Variants in YTHDF2 observed in about 807,000 individuals in gnomAD.
YTHDF2 encodes YTH domain-containing family protein 2.
In YTHDF2, 2 loss-of-function variants were observed where a neutral mutation model predicts 50.4. The observed-to-expected ratio is 0.04, with a 90% CI of 0.02 to 0.12. YTHDF2 has a LOEUF of 0.12. YTHDF2 is among the 10% of genes least tolerant of loss of function. The probability of loss-of-function intolerance (pLI) is 1.00; values close to 1 mark genes in which losing one functional copy is unlikely to be tolerated. For missense variants in YTHDF2, 483 were observed against 722.6 expected, an observed-to-expected ratio of 0.67 and a Z score of 3.80; for synonymous variants, 217 against 255.6, an observed-to-expected ratio of 0.85 and a Z score of 1.44.
chr1:28,764,787 A>G (rs1232296158), intron 4 of YTHDF2, among the ~76,000 whole-genome samples: 2 of 151,854 alleles, frequency 1.3e-5, no homozygotes, highest in East Asian at 3.9e-4. Flanking sequence ...AGGTGATCCC[A>G]CCTTCCTCGG....
At chr1:28,739,374 G>A (rs1039709709) in intron 3 of YTHDF2, among the ~76,000 whole-genome samples, 8 of 150,974 alleles carry the variant, frequency 5.3e-5, no homozygotes, top group Non-Finnish European at 1.0e-4. Flanking sequence ...GAGTGCAGTG[G>A]TGCAATCTCG....
Position 28,764,830 on chromosome 1 carries a change from C to T in YTHDF2, c.1717-4099C>T, listed in dbSNP as rs1181787729. On this transcript the variant is annotated intron_variant, in intron 4 of 4. Coordinates refer to ENST00000373812, the MANE Select transcript of YTHDF2 (RefSeq NM_016258.3). ...GAGTGCTAGGATTACTCGGGTGATC[C>T]ACCGTGCCAGGCCTTAATGTTTTTT... Among the ~76,000 whole-genome samples, 10 of 152,110 alleles carry T rather than the reference C, an allele frequency of 6.6e-5. 1 individual carries two copies. Among genetic ancestry groups the T allele is most frequent in the Admixed American group, 6.6e-4 (10 of 15,262 alleles).
intron 3 of YTHDF2, among the ~76,000 whole-genome samples, 188 bp downstream of exon 3, chr1:28,738,526 C>T (rs2087729727): frequency 6.6e-6 from 1 of 152,182 alleles, no homozygotes; most frequent in African/African-American, 2.4e-5. Flanking sequence ...CTCGCTCCAA[C>T]TTCCGCCTCT....
intron 3 of YTHDF2, among the ~76,000 whole-genome samples, chr1:28,741,868 TAAAC>T (rs1335725216): frequency 6.6e-6 from 1 of 152,208 alleles, no homozygotes; most frequent in Non-Finnish European, 1.5e-5. Flanking sequence ...ACTCAGGACT[TAAAC>T]AGTTTGTGAA....
intron 4 of YTHDF2, among the ~76,000 whole-genome samples, chr1:28,748,679 C>T (rs1360022073): frequency 6.6e-6 from 1 of 152,138 alleles, no homozygotes; most frequent in South Asian, 2.1e-4. Flanking sequence ...ATGTGACTTA[C>T]TTTTATTTTT....
At position 28,760,400 on chromosome 1, in the gene YTHDF2, T is replaced by G. The variant is rs192517448; in HGVS notation, c.1717-8529T>G. Among the ~76,000 whole-genome samples, 140 of 151,352 alleles carry G rather than the reference T, an allele frequency of 9.2e-4. 1 individual carries two copies. The highest frequency in any genetic ancestry group is 1.5e-3 in the Non-Finnish European group (104 of 67,856). On this transcript the variant is annotated intron_variant, in intron 4 of 4. Transcript: ENST00000373812. The stretch of plus-strand genomic sequence containing the variant: ...AGCTCCACGTCCCAGGTTCACACCA[T>G]TCTCCTGCCTTAGCCTCCAGAGTAG...
intron 1 of YTHDF2, 36 bp from the exon 2 acceptor site, chr1:28,737,622 C>T: frequency 1.2e-6 from 2 of 1,613,706 alleles, no homozygotes; most frequent in Non-Finnish European, 1.7e-6. Context: ...CTCCTTTGGA[C>T]AACTTGCTGC....
intron 4 of YTHDF2, among the ~76,000 whole-genome samples, chr1:28,763,882 T>C (rs946337690): frequency 2.0e-5 from 3 of 150,808 alleles, no homozygotes; most frequent in African/African-American, 7.3e-5. Context: ...TTTTTTTTTT[T>C]CCTATTATAT....
intron 2 of YTHDF2, 106 bp downstream of exon 2, chr1:28,737,788 T>TA: frequency 7.3e-7 from 1 of 1,371,064 alleles, no homozygotes; most frequent in South Asian, 1.2e-5. Context: ...GGAAGCCGCT[T>TA]AGTTCGCAGG....
upstream of YTHDF2, chr1:28,736,624 C>G (rs1016184399): frequency 1.3e-5 from 2 of 154,658 alleles, no homozygotes; most frequent in Non-Finnish European, 2.9e-5. Flanking sequence ...CAGAGCTAGT[C>G]TTTCCAGGTG....
rs1487100016 is a variant in YTHDF2, at chr1:28,769,676, A to T, written c.*724A>T. 4 of 152,784 alleles carry T rather than the reference A, an allele frequency of 2.6e-5. No individual in the cohort carries two copies. The highest frequency in any genetic ancestry group is 4.1e-4 in the South Asian group (2 of 4,828). 9.5% of individuals were successfully genotyped at this position (152,784 alleles called of 1,614,324 possible). On this transcript the variant is annotated 3_prime_UTR_variant, in exon 5 of 5. Coordinates refer to ENST00000373812, the MANE Select transcript of YTHDF2 (RefSeq NM_016258.3). ...AAAAATACTGTAAAACGTGTCGTGA[A>T]TGTTTCTTCAGTTTCTTGTTCAGCC...
chr1:28,739,034 T>C (rs2087738334), intron 3 of YTHDF2: 2 of 152,198 alleles, frequency 1.3e-5, no homozygotes, highest in Non-Finnish European at 2.9e-5. Context: ...TTCTGAATTT[T>C]CACCCCAGAG....
chr1:28,763,770 T>C (rs561548822), intron 4 of YTHDF2, among the ~76,000 whole-genome samples: 1 of 150,732 alleles, frequency 6.6e-6, no homozygotes, highest in South Asian at 2.1e-4. Flanking sequence ...TTTTTTTTTT[T>C]GGGATTATGG....
At chr1:28,753,816 C>G (rs919744010) in intron 4 of YTHDF2, among the ~76,000 whole-genome samples, 3 of 151,494 alleles carry the variant, frequency 2.0e-5, no homozygotes, top group African/African-American at 7.3e-5. Flanking sequence ...AAGCGATTCT[C>G]CTGCCTCAGC....
At chr1:28,753,358 CAAA>C (rs34047138) in intron 4 of YTHDF2, among the ~76,000 whole-genome samples, 2 of 16,908 alleles carry the variant, frequency 1.2e-4, no homozygotes, top group East Asian at 2.0e-3. Flanking sequence ...CCTGCCTCTC[CAAA>C]AAAAAAAAAA....
intron 4 of YTHDF2, among the ~76,000 whole-genome samples, chr1:28,751,089 T>TTAAAAAAAAAAA (rs1557545318): frequency 5.2e-5 from 1 of 19,058 alleles, no homozygotes; most frequent in South Asian, 8.5e-4. Context: ...CGAGACTGTC[T>TTAAAAAAAAAAA]CAAAAAAAAA....
rs2088006695 is a variant in YTHDF2, at chr1:28,754,468, T to G, written c.1716+10482T>G. Among the ~76,000 whole-genome samples the G allele has an allele frequency of 2.6e-5, 4 of 152,126 alleles. No homozygotes were observed. The South Asian group carries it at 8.3e-4, about 32-fold the overall frequency. On this transcript the variant is annotated intron_variant, in intron 4 of 4. Coordinates refer to ENST00000373812, the MANE Select transcript of YTHDF2 (RefSeq NM_016258.3). ...TGGTGTGAACACTGGAGGCGGAGTTTGCAGTGAGCTGAGATAGCGCTACTG... is the reference window on the plus strand; with the variant it reads ...TGGTGTGAACACTGGAGGCGGAGTTGGCAGTGAGCTGAGATAGCGCTACTG...
chr1:28,745,748 A>C (rs1041386974), intron 4 of YTHDF2, among the ~76,000 whole-genome samples: 1 of 116,480 alleles, frequency 8.6e-6, no homozygotes, highest in African/African-American at 3.2e-5. Context: ...AAAAAAAACT[A>C]ACATATTTTG....
intron 4 of YTHDF2, 106 bp downstream of exon 4, chr1:28,744,092 G>C: frequency 8.2e-7 from 1 of 1,214,370 alleles, no homozygotes; most frequent in South Asian, 1.8e-5. Flanking sequence ...AATGAATACA[G>C]TATCACCTAA....
Sources: allele counts gnomAD v4.1 joint callset (sites outside exome capture counted in the v4.1 genomes callset), GRCh38; gene constraint gnomAD v4.1.1; transcripts MANE v1.5; gene names NCBI Gene and HGNC (gene_info 2026-07-23, HGNC 2026-07-21).